Variants in CDH13 observed in about 807,000 individuals in gnomAD.
CDH13 encodes the protein cadherin-13.
CDH13 carries 24 observed loss-of-function variants against 63.8 expected under a neutral mutation model. That is an observed-to-expected ratio of 0.38 (90% CI 0.27 to 0.53). The LOEUF (loss-of-function observed/expected upper bound fraction) is 0.53, where lower values mean the gene tolerates loss of function less well. Among genes scored for constraint, CDH13 ranks in the 20% least tolerant of loss-of-function variants. The pLI, the probability that CDH13 is intolerant of heterozygous loss-of-function variation, is 0.85. For synonymous variants in CDH13, 503 were observed against 355.3 expected, an observed-to-expected ratio of 1.42 and a Z score of -4.67; for missense variants, 1,049 against 903.1, an observed-to-expected ratio of 1.16 and a Z score of -2.07.
At chr16:83,001,696 A>C (rs900722347) in intron 2 of CDH13, among the ~76,000 whole-genome samples, 2 of 152,208 alleles carry the variant, frequency 1.3e-5, no homozygotes, top group African/African-American at 4.8e-5. Context: ...CTGTGTGACC[A>C]TTTACACCTA....
chr16:83,195,046 T>C (rs1258620267), intron 4 of CDH13, among the ~76,000 whole-genome samples: 2 of 152,234 alleles, frequency 1.3e-5, no homozygotes, highest in African/African-American at 2.4e-5. Flanking sequence ...TTTGTTTGAG[T>C]AACCCCTTTC....
chr16:83,252,107 TACACACACACAC>T (rs149781230), intron 5 of CDH13, among the ~76,000 whole-genome samples: 1 of 135,956 alleles, frequency 7.4e-6, no homozygotes, highest in Non-Finnish European at 1.5e-5. Flanking sequence ...ATATATATTA[TACACACACACAC>T]ACACACACAC....
At chr16:83,073,352 T>TGAGA (rs1185746074) in intron 3 of CDH13, among the ~76,000 whole-genome samples, 12 of 125,226 alleles carry the variant, frequency 9.6e-5, no homozygotes, top group African/African-American at 3.6e-4. Flanking sequence ...TGTGTGTGTG[T>TGAGA]GTGAGAGAGA....
intron 8 of CDH13, among the ~76,000 whole-genome samples, chr16:83,627,784 C>T (rs977374455): frequency 3.9e-5 from 6 of 152,026 alleles, no homozygotes; most frequent in African/African-American, 1.2e-4. Context: ...GAGGCAAGTC[C>T]GTAAAGTGAA....
chr16:83,163,074 C>T (rs550078392), intron 4 of CDH13, among the ~76,000 whole-genome samples: 1 of 152,208 alleles, frequency 6.6e-6, no homozygotes, highest in East Asian at 1.9e-4. Flanking sequence ...GAATAAGCCT[C>T]ACAAGATCTG....
At chr16:83,592,508 G>C (rs141274791) in intron 7 of CDH13, among the ~76,000 whole-genome samples, 4 of 152,056 alleles carry the variant, frequency 2.6e-5, no homozygotes, top group Non-Finnish European at 2.9e-5. Flanking sequence ...TTTTTCCAGG[G>C]GTTCTAGGAA....
At chr16:82,938,203 A>T (rs1011793663) in intron 2 of CDH13, among the ~76,000 whole-genome samples, 21 of 152,112 alleles carry the variant, frequency 1.4e-4, no homozygotes, top group African/African-American at 5.1e-4. Flanking sequence ...TTCAACAGCT[A>T]TTTTTCCAGA....
chr16:82,840,641 C>T (rs1325403738), intron 1 of CDH13, among the ~76,000 whole-genome samples: 1 of 149,892 alleles, frequency 6.7e-6, no homozygotes, highest in Non-Finnish European at 1.5e-5. Flanking sequence ...GCTGAGACCA[C>T]CCCACTGCAC....
At chr16:83,161,002 C>T (rs1298968969) in intron 4 of CDH13, among the ~76,000 whole-genome samples, 1 of 152,200 alleles carries the variant, frequency 6.6e-6, no homozygotes, top group East Asian at 1.9e-4. Context: ...CTTGAGATCG[C>T]TGCCATTGCT....
intron 6 of CDH13, among the ~76,000 whole-genome samples, chr16:83,406,389 T>G (rs1296644850): frequency 6.6e-6 from 1 of 152,006 alleles, no homozygotes; most frequent in Non-Finnish European, 1.5e-5. Flanking sequence ...GGAGCCCAAG[T>G]TAGAATGGAA....
chr16:82,862,654 C>T (rs1418098801), intron 2 of CDH13, among the ~76,000 whole-genome samples: 5 of 152,190 alleles, frequency 3.3e-5, no homozygotes, highest in Admixed American at 6.5e-5. Flanking sequence ...GAAATCACAG[C>T]ATCTGAATTT....
At chr16:82,728,906 GT>G (rs2033246110) in intron 1 of CDH13, among the ~76,000 whole-genome samples, 3 of 152,074 alleles carry the variant, frequency 2.0e-5, no homozygotes, top group Admixed American at 2.0e-4. Context: ...TAAATCTTTT[GT>G]TGTCATTTCA....
intron 7 of CDH13, among the ~76,000 whole-genome samples, chr16:83,554,644 C>T (rs770816414): frequency 1.3e-5 from 2 of 151,986 alleles, no homozygotes; most frequent in Admixed American, 6.6e-5. Context: ...CTGCAAAAAC[C>T]ACAACCTTGC....
At chr16:83,024,692 T>C (rs1293986893) in intron 2 of CDH13, among the ~76,000 whole-genome samples, 1 of 152,250 alleles carries the variant, frequency 6.6e-6, no homozygotes, top group Non-Finnish European at 1.5e-5. Context: ...AAGCTCACAG[T>C]GTAATGTAAT....
chr16:83,511,019 C>T (rs899500812), intron 7 of CDH13, among the ~76,000 whole-genome samples: 2 of 152,260 alleles, frequency 1.3e-5, no homozygotes, highest in Non-Finnish European at 2.9e-5. Context: ...TTCCCACACA[C>T]ATACACGGAC....
chr16:83,294,983 C>T (rs1453346574), intron 5 of CDH13, among the ~76,000 whole-genome samples: 1 of 152,142 alleles, frequency 6.6e-6, no homozygotes, highest in Non-Finnish European at 1.5e-5. Context: ...TCAAAGTATA[C>T]TACAAAGCTG....
rs1251325708 is a variant in CDH13 at position 82,856,630 on chromosome 16, A to G, written c.46-1732A>G. 3.2e-5 allele frequency among the ~76,000 whole-genome samples: 4 copies of G among 124,974 alleles called. No homozygotes were observed. In the East Asian group the frequency reaches 1.1e-3, roughly 34 times the overall value. 82.0% of individuals were successfully genotyped at this position (124,974 alleles called of 152,430 possible). On this transcript the variant is annotated intron_variant, in intron 1 of 13. Coordinates refer to ENST00000567109, the MANE Select transcript of CDH13 (RefSeq NM_001257.5). ...GGTGGGAGGATCGCTTGAGCCCAGG[A>G]GGTTGGGTCTGCAGTGAGCCACAGT...
At chr16:82,890,469 C>A (rs2041041072) in intron 2 of CDH13, among the ~76,000 whole-genome samples, 1 of 152,108 alleles carries the variant, frequency 6.6e-6, no homozygotes, top group African/African-American at 2.4e-5. Flanking sequence ...ATAATTGAGG[C>A]AGGCTTCTCC....
chr16:83,287,094 A>G (rs1215241537), intron 5 of CDH13, among the ~76,000 whole-genome samples: 1 of 152,184 alleles, frequency 6.6e-6, no homozygotes, highest in African/African-American at 2.4e-5. Flanking sequence ...AAATGTTTGA[A>G]AAGCCTTCAG....
Sources: allele counts gnomAD v4.1 joint callset (sites outside exome capture counted in the v4.1 genomes callset), GRCh38; gene constraint gnomAD v4.1.1; transcripts MANE v1.5; gene names NCBI Gene and HGNC (gene_info 2026-07-23, HGNC 2026-07-21).